The following SGCZ variants were observed in gnomAD, a reference collection of about 807,000 sequenced individuals.
SGCZ encodes zeta-sarcoglycan.
Under a neutral mutation model 41.3 loss-of-function variants are expected in SGCZ, and 40 were observed. The ratio of observed to expected loss-of-function variants is 0.97; its 90% CI spans 0.75 to 1.26. SGCZ has a LOEUF of 1.26. Ranked by LOEUF, SGCZ falls within the 50% of genes most tolerant of loss-of-function variation. The probability of loss-of-function intolerance (pLI) is 0.00; values close to 1 mark genes in which losing one functional copy is unlikely to be tolerated. For synonymous variants in SGCZ, 206 were observed against 137.5 expected, an observed-to-expected ratio of 1.50 and a Z score of -3.49; for missense variants, 552 against 369.8, an observed-to-expected ratio of 1.49 and a Z score of -4.04.
At chr8:14,911,548 C>T (rs932113433) in intron 1 of SGCZ, among the ~76,000 whole-genome samples, 25 of 151,962 alleles carry the variant, frequency 1.6e-4, no homozygotes, top group African/African-American at 5.8e-4. Context: ...AAACCAAATA[C>T]AATTTTTATA....
At chr8:15,133,443 T>G (rs1156874906) in intron 1 of SGCZ, among the ~76,000 whole-genome samples, 3 of 152,158 alleles carry the variant, frequency 2.0e-5, no homozygotes, top group Non-Finnish European at 4.4e-5. Context: ...AAAATCTTTC[T>G]CAGCCTACGT....
intron 4 of SGCZ, among the ~76,000 whole-genome samples, chr8:14,236,284 A>G (rs1806757377): frequency 6.6e-6 from 1 of 152,226 alleles, no homozygotes; most frequent in Non-Finnish European, 1.5e-5. Context: ...TATAACTGCT[A>G]TATCTCTAAT....
chr8:14,417,785 G>T (rs1585482038), intron 2 of SGCZ, among the ~76,000 whole-genome samples: 1 of 119,692 alleles, frequency 8.4e-6, no homozygotes, highest in Non-Finnish European at 1.9e-5. Flanking sequence ...TTTGATTATG[G>T]TAATCATTTC....
chr8:15,182,006 C>T (rs776019461), intron 1 of SGCZ, among the ~76,000 whole-genome samples: 1 of 152,106 alleles, frequency 6.6e-6, no homozygotes, highest in Non-Finnish European at 1.5e-5. Context: ...TAGAATGGTG[C>T]ACTCATCACT....
intron 1 of SGCZ, among the ~76,000 whole-genome samples, chr8:14,618,335 T>C (rs1806174562): frequency 6.6e-6 from 1 of 152,212 alleles, no homozygotes; most frequent in African/African-American, 2.4e-5. Context: ...AACAGTTTAC[T>C]CAAGGCAAGC....
intron 1 of SGCZ, among the ~76,000 whole-genome samples, chr8:14,853,680 C>T (rs552612048): frequency 6.6e-6 from 1 of 152,106 alleles, no homozygotes; most frequent in South Asian, 2.1e-4. Flanking sequence ...AGAATGACAA[C>T]GCTGAGAAAT....
chr8:14,524,133 T>C (rs1284678137), intron 2 of SGCZ, among the ~76,000 whole-genome samples: 2 of 152,108 alleles, frequency 1.3e-5, no homozygotes, highest in Non-Finnish European at 2.9e-5. Context: ...TGAATATTCA[T>C]AACATGAGTG....
chr8:15,009,598 A>G lies in SGCZ; in HGVS notation c.39+227987T>C, dbSNP rs150436878. Among the ~76,000 whole-genome samples the G allele has an allele frequency of 3.3e-5, 5 of 152,334 alleles. No homozygotes were observed. In the East Asian group the frequency reaches 9.6e-4, roughly 29 times the overall value. On this transcript the variant is annotated intron_variant, in intron 1 of 7. Transcript: ENST00000382080. ...AACAAGTGAGTGAAAATCATGGAAAAAAACTCCAGTTAACAATCATTTTTA... is the reference window on the plus strand; with the variant it reads ...AACAAGTGAGTGAAAATCATGGAAAGAAACTCCAGTTAACAATCATTTTTA...
At chr8:15,194,949 G>C (rs1189172769) in intron 1 of SGCZ, among the ~76,000 whole-genome samples, 2 of 152,174 alleles carry the variant, frequency 1.3e-5, no homozygotes, top group Non-Finnish European at 2.9e-5. Flanking sequence ...TCTACAACTT[G>C]CGACGTCGTT....
At chr8:14,509,110 AC>A (rs1802392708) in intron 2 of SGCZ, among the ~76,000 whole-genome samples, 1 of 152,128 alleles carries the variant, frequency 6.6e-6, no homozygotes, top group Admixed American at 6.5e-5. Context: ...TATGTATTAA[AC>A]AAAAACTAGG....
intron 2 of SGCZ, among the ~76,000 whole-genome samples, chr8:14,439,665 A>G (rs940112818): frequency 5.9e-5 from 9 of 152,042 alleles, no homozygotes; most frequent in African/African-American, 1.9e-4. Flanking sequence ...TATAAACCAA[A>G]GAAGAAAAAT....
At chr8:14,571,193 A>G (rs1367527490) in intron 1 of SGCZ, among the ~76,000 whole-genome samples, 1 of 152,084 alleles carries the variant, frequency 6.6e-6, no homozygotes, top group Non-Finnish European at 1.5e-5. Flanking sequence ...AGCAGGGGAA[A>G]CCGCCACTTA....
chr8:15,070,609 C>G (rs1021932535), intron 1 of SGCZ, among the ~76,000 whole-genome samples: 1 of 152,138 alleles, frequency 6.6e-6, no homozygotes, highest in South Asian at 2.1e-4. Context: ...TTGAAATCCT[C>G]TAGCTTGCAT....
At chr8:14,717,232 A>G (rs982486505) in intron 1 of SGCZ, among the ~76,000 whole-genome samples, 2 of 152,102 alleles carry the variant, frequency 1.3e-5, no homozygotes, top group African/African-American at 2.4e-5. Context: ...TAATTATTTT[A>G]TATTTGTTAA....
intron 1 of SGCZ, among the ~76,000 whole-genome samples, chr8:14,831,441 C>T (rs570004660): frequency 6.8e-4 from 103 of 152,276 alleles, no homozygotes; most frequent in African/African-American, 2.4e-3. Flanking sequence ...CCTGGATGCT[C>T]ATAATTCTGG....
intron 1 of SGCZ, among the ~76,000 whole-genome samples, chr8:14,838,693 C>A (rs2130620483): frequency 6.6e-6 from 1 of 152,282 alleles, no homozygotes. Flanking sequence ...GGACCCTTTC[C>A]CTGTGACACG....
chr8:14,557,746 C>A (rs746085452), intron 1 of SGCZ, among the ~76,000 whole-genome samples: 7 of 151,856 alleles, frequency 4.6e-5, no homozygotes, highest in Non-Finnish European at 1.0e-4. Flanking sequence ...TCAGGTCACA[C>A]CTCAAGGAAC....
At chr8:14,580,003 G>A (rs981711175) in intron 1 of SGCZ, among the ~76,000 whole-genome samples, 1 of 152,204 alleles carries the variant, frequency 6.6e-6, no homozygotes, top group Non-Finnish European at 1.5e-5. Context: ...TTAACCACGA[G>A]TGGCTCTGAA....
intron 1 of SGCZ, among the ~76,000 whole-genome samples, chr8:15,228,373 C>G (rs991479120): frequency 3.3e-5 from 5 of 152,180 alleles, no homozygotes; most frequent in African/African-American, 9.7e-5. Context: ...AGACACGACA[C>G]TGTGCACAGA....
Sources: gnomAD v4.1 joint callset for allele counts (sites outside exome capture counted in the v4.1 genomes callset) on GRCh38, gnomAD v4.1.1 for gene constraint, MANE v1.5 for transcripts, NCBI Gene and HGNC (gene_info 2026-07-23, HGNC 2026-07-21) for gene names.